Variants in GAS7 observed in about 807,000 individuals in gnomAD.
The protein encoded by GAS7 is growth arrest-specific protein 7.
A neutral mutation model predicts 71.1 loss-of-function variants in GAS7; 28 were observed. That is an observed-to-expected ratio of 0.39 (90% CI 0.29 to 0.54). GAS7 has a LOEUF of 0.54. GAS7 is among the 20% of genes least tolerant of loss of function. The pLI is 0.62. For synonymous variants in GAS7, 258 were observed against 245.8 expected, an observed-to-expected ratio of 1.05 and a Z score of -0.46; for missense variants, 436 against 627.8, an observed-to-expected ratio of 0.69 and a Z score of 3.27.
intron 1 of GAS7, among the ~76,000 whole-genome samples, chr17:10,028,560 T>A (rs544986037): frequency 6.6e-6 from 1 of 151,966 alleles, no homozygotes; most frequent in South Asian, 2.1e-4. Context: ...GGATCTCACA[T>A]AGTATCCAGA....
At chr17:10,038,723 G>C (rs1239177727) in intron 1 of GAS7, among the ~76,000 whole-genome samples, 1 of 131,934 alleles carries the variant, frequency 7.6e-6, no homozygotes, top group African/African-American at 3.0e-5. Flanking sequence ...TTTTTGAGAC[G>C]AAGTCTTGCT....
chr17:9,916,792 T>C lies in GAS7; in HGVS notation c.*436A>G. 2.5e-6 allele frequency: 1 copy of C among 403,654 alleles called. No individual in the cohort carries two copies. 25.0% of individuals were successfully genotyped at this position (403,654 alleles called of 1,614,324 possible). ...GCTGAATGGCACCTTCTACCCATGATTCTGATCCTGACACCTGGCTTAGAG... is the reference window on the plus strand; with the variant it reads ...GCTGAATGGCACCTTCTACCCATGACTCTGATCCTGACACCTGGCTTAGAG... On this transcript the variant is annotated 3_prime_UTR_variant, in exon 14 of 14. Coordinates refer to ENST00000432992, the MANE Select transcript of GAS7 (RefSeq NM_201433.2).
chr17:10,018,094 A>ATACACTG (rs2152203219), intron 2 of GAS7, among the ~76,000 whole-genome samples: 1 of 152,400 alleles, frequency 6.6e-6, no homozygotes, highest in Non-Finnish European at 1.5e-5. Flanking sequence ...AGATGTCCAC[A>ATACACTG]TACACTGTCA....
intron 9 of GAS7, chr17:9,927,042 CTACT>C: frequency 2.6e-6 from 1 of 377,594 alleles, no homozygotes; most frequent in South Asian, 5.9e-5. Flanking sequence ...CATCTGTTAA[CTACT>C]TTTTTTCTGA....
chr17:10,001,444 A>G (rs949282747), intron 2 of GAS7, among the ~76,000 whole-genome samples: 3 of 152,202 alleles, frequency 2.0e-5, no homozygotes, highest in Non-Finnish European at 4.4e-5. Context: ...CTTCTCCCCA[A>G]CTTGATGAGG....
At chr17:10,050,328 T>C (rs1271673717) in intron 1 of GAS7, among the ~76,000 whole-genome samples, 1 of 152,140 alleles carries the variant, frequency 6.6e-6, no homozygotes, top group Non-Finnish European at 1.5e-5. Flanking sequence ...AATGACTTTC[T>C]CAACCAATGC....
intron 1 of GAS7, among the ~76,000 whole-genome samples, chr17:10,123,034 G>A: frequency 6.6e-6 from 1 of 152,104 alleles, no homozygotes. Flanking sequence ...GTCTCACCAT[G>A]TTGCTCAGGC....
chr17:10,051,995 C>G (rs1201500194), intron 1 of GAS7, among the ~76,000 whole-genome samples: 3 of 152,086 alleles, frequency 2.0e-5, no homozygotes, highest in African/African-American at 7.2e-5. Context: ...TTATTTGACC[C>G]TTATAAAAAC....
intron 1 of GAS7, among the ~76,000 whole-genome samples, chr17:10,136,152 A>G (rs570879676): frequency 3.9e-5 from 6 of 152,304 alleles, no homozygotes; most frequent in African/African-American, 1.2e-4. Context: ...TGACTAATGC[A>G]AACTGTAACT....
chr17:10,039,295 C>A (rs149215260), intron 1 of GAS7, among the ~76,000 whole-genome samples: 1,795 of 151,922 alleles, frequency 0.012, 27 homozygotes, highest in African/African-American at 0.041. Flanking sequence ...CCATAAGCCG[C>A]TTCATGAGAT....
intron 2 of GAS7, among the ~76,000 whole-genome samples, chr17:10,002,025 C>T (rs2071286786): frequency 6.6e-6 from 1 of 152,192 alleles, no homozygotes; most frequent in Non-Finnish European, 1.5e-5. Context: ...TCCTAGCGGA[C>T]ACGATACCAC....
chr17:10,015,160 AAAAG>A (rs144242714), intron 2 of GAS7, among the ~76,000 whole-genome samples: 23,251 of 142,662 alleles, frequency 0.16, 2,435 homozygotes, highest in African/African-American at 0.36. Context: ...TCTCAAAAAA[AAAAG>A]AAAAGAAAAG....
At chr17:10,161,037 C>G (rs557146947) in intron 1 of GAS7, among the ~76,000 whole-genome samples, 1 of 151,980 alleles carries the variant, frequency 6.6e-6, no homozygotes, top group African/African-American at 2.4e-5. Flanking sequence ...GAGTGTCTGG[C>G]CTTCAGTTGC....
At chr17:10,106,380 C>T (rs970394842) in intron 1 of GAS7, among the ~76,000 whole-genome samples, 2 of 152,194 alleles carry the variant, frequency 1.3e-5, no homozygotes, top group Non-Finnish European at 2.9e-5. Flanking sequence ...AGTCTCACAT[C>T]CCATGTGCAG....
intron 1 of GAS7, among the ~76,000 whole-genome samples, chr17:10,110,955 C>G (rs2073805885): frequency 6.6e-6 from 1 of 152,160 alleles, no homozygotes; most frequent in Non-Finnish European, 1.5e-5. Flanking sequence ...TACATGCAAC[C>G]AAATATCACA....
intron 2 of GAS7, among the ~76,000 whole-genome samples, chr17:10,019,460 A>AC (rs2072176010): frequency 6.6e-6 from 1 of 152,050 alleles, no homozygotes. Flanking sequence ...CTTTTGAGAC[A>AC]CCCTTCAGAA....
At chr17:9,970,609 G>A (rs142375365) in intron 3 of GAS7, among the ~76,000 whole-genome samples, 24 of 152,138 alleles carry the variant, frequency 1.6e-4, no homozygotes, top group African/African-American at 4.8e-4. Context: ...TCCAGCCTGG[G>A]CAACAAGAGC....
At chr17:10,134,805 C>T (rs1314645187) in intron 1 of GAS7, among the ~76,000 whole-genome samples, 6 of 151,448 alleles carry the variant, frequency 4.0e-5, no homozygotes, top group South Asian at 4.2e-4. Context: ...AGTAGAAGCT[C>T]GGGGCAGTTC....
intron 1 of GAS7, among the ~76,000 whole-genome samples, chr17:10,195,490 A>G (rs1030942374): frequency 7.2e-5 from 11 of 152,150 alleles, no homozygotes; most frequent in Non-Finnish European, 1.3e-4. Context: ...GGAGCACATT[A>G]GAGATGCCAT....
Sources: gnomAD v4.1 joint callset for allele counts (sites outside exome capture counted in the v4.1 genomes callset) on GRCh38, gnomAD v4.1.1 for gene constraint, MANE v1.5 for transcripts, NCBI Gene and HGNC (gene_info 2026-07-23, HGNC 2026-07-21) for gene names.